Variants in PLEKHH2 observed in about 807,000 individuals in gnomAD.
PLEKHH2 encodes pleckstrin homology, MyTH4 and FERM domain containing H2, also known as pleckstrin homology domain-containing family H member 2.
In PLEKHH2, 129 loss-of-function variants were observed where a neutral mutation model predicts 187.9. The ratio of observed to expected loss-of-function variants is 0.69; its 90% CI spans 0.59 to 0.79. The LOEUF is 0.79. PLEKHH2 is among the 30% of genes least tolerant of loss of function. PLEKHH2 has a pLI of 0.00. For missense variants in PLEKHH2, 2,076 were observed against 1,751.2 expected (o/e 1.19, Z -3.31); for synonymous variants, 686 against 605.6 (o/e 1.13, Z -1.95).
At chr2:43,639,620 C>T (rs191707674) in intron 1 of PLEKHH2, among the ~76,000 whole-genome samples, 101 of 149,514 alleles carry the variant, frequency 6.8e-4, no homozygotes, top group African/African-American at 2.3e-3. Flanking sequence ...TTTTTATGGC[C>T]GAATAATATT....
chr2:43,738,610 G>C (rs1339540858), intron 20 of PLEKHH2, 90 bp downstream of exon 20: 1 of 1,286,802 alleles, frequency 7.8e-7, no homozygotes. Flanking sequence ...TAGACATTTG[G>C]AGAATACAAA....
chr2:43,750,394 C>G (rs1451778333), intron 24 of PLEKHH2, among the ~76,000 whole-genome samples: 1 of 152,028 alleles, frequency 6.6e-6, no homozygotes, highest in Non-Finnish European at 1.5e-5. Context: ...ATCGCATGAA[C>G]CCAGGAGGCA....
intron 24 of PLEKHH2, among the ~76,000 whole-genome samples, chr2:43,753,065 C>T (rs78795364): frequency 0.055 from 8,314 of 152,126 alleles, 312 homozygotes; most frequent in Non-Finnish European, 0.083. Flanking sequence ...TGTGCTGTGT[C>T]CAAGGTATTC....
chr2:43,657,363 C>T (rs958170737), intron 2 of PLEKHH2, among the ~76,000 whole-genome samples: 6 of 152,098 alleles, frequency 3.9e-5, no homozygotes, highest in African/African-American at 1.4e-4. Context: ...ATATCTGATG[C>T]CTCAGCTGGG....
intron 26 of PLEKHH2, 29 bp downstream of exon 26, chr2:43,757,293 G>A (rs778432970): frequency 6.8e-7 from 1 of 1,465,422 alleles, no homozygotes; most frequent in South Asian, 1.5e-5. Flanking sequence ...CTCTTTATAG[G>A]GTAGGGTCAT....
intron 3 of PLEKHH2, among the ~76,000 whole-genome samples, chr2:43,686,260 G>C (rs1668500469): frequency 6.6e-6 from 1 of 151,960 alleles, no homozygotes; most frequent in African/African-American, 2.4e-5. Flanking sequence ...GCAGTGGCAT[G>C]ATCCTGGCTC....
At chr2:43,735,951 T>C (rs1572640490) in intron 19 of PLEKHH2, among the ~76,000 whole-genome samples, 1 of 152,298 alleles carries the variant, frequency 6.6e-6, no homozygotes, top group South Asian at 2.1e-4. Flanking sequence ...AGCATCATGC[T>C]TTATGGAGAA....
At chr2:43,693,195 G>A (rs1436357098) in intron 4 of PLEKHH2, among the ~76,000 whole-genome samples, 1 of 152,114 alleles carries the variant, frequency 6.6e-6, no homozygotes, top group Non-Finnish European at 1.5e-5. Flanking sequence ...AACCTGCTGG[G>A]ATTACAGGCA....
chr2:43,722,664 A>G (rs1670539390), intron 16 of PLEKHH2, among the ~76,000 whole-genome samples: 1 of 152,260 alleles, frequency 6.6e-6, no homozygotes, highest in South Asian at 2.1e-4. Flanking sequence ...TTGGAAGGCC[A>G]AGTTTATAAA....
chr2:43,659,737 T>C (rs894154923), intron 2 of PLEKHH2, among the ~76,000 whole-genome samples: 2 of 152,058 alleles, frequency 1.3e-5, no homozygotes, highest in Non-Finnish European at 2.9e-5. Context: ...TTTTGTATTT[T>C]TAGTAGAGAC....
chr2:43,760,838 C>T (rs1302665609), intron 27 of PLEKHH2, among the ~76,000 whole-genome samples: 5 of 152,214 alleles, frequency 3.3e-5, no homozygotes, highest in Non-Finnish European at 7.3e-5. Context: ...TACTTTCTGT[C>T]TCTATGCATT....
intron 24 of PLEKHH2, among the ~76,000 whole-genome samples, chr2:43,753,400 C>T (rs1672082323): frequency 6.6e-6 from 1 of 152,128 alleles, no homozygotes. Context: ...TCAGCGCCAC[C>T]TCCAGCACTT....
Position 43,667,335 on chromosome 2 carries a change from G to A in PLEKHH2, c.124-11528G>A, listed in dbSNP as rs569070883. ...AAAATTGAAGGTCTCATACATTGCTGGTGGAAATGTAAAATTGTGCAGCCA... is the reference window on the plus strand; with the variant it reads ...AAAATTGAAGGTCTCATACATTGCTAGTGGAAATGTAAAATTGTGCAGCCA... On this transcript the variant is annotated intron_variant, in intron 2 of 29. Coordinates refer to ENST00000282406, the MANE Select transcript of PLEKHH2 (RefSeq NM_172069.4). 3.9e-5 allele frequency among the ~76,000 whole-genome samples: 6 copies of A among 152,262 alleles called. No homozygotes were observed. The East Asian group carries it at 1.2e-3, about 29-fold the overall frequency.
At chr2:43,703,570 A>T (rs10514787) in intron 8 of PLEKHH2, among the ~76,000 whole-genome samples, 1 of 152,012 alleles carries the variant, frequency 6.6e-6, no homozygotes, top group African/African-American at 2.4e-5. Flanking sequence ...TGTGTAATCA[A>T]TGATTGAGAA....
chr2:43,710,057 C>A lies in PLEKHH2; in HGVS notation c.2034C>A (p.Asp678Glu). 3 of 1,612,242 alleles carry A rather than the reference C, an allele frequency of 1.9e-6. No individual in the cohort carries two copies. The highest frequency in any genetic ancestry group is 2.5e-6 in the Non-Finnish European group (3 of 1,178,312). ...TTCCTCCTGATGCTTACTCCACAGA[C>A]ACGGAGTACTCACAGCCAGAGCAGA... Reference protein sequence around the residue: ...YAIPPDAYSTDTEYSQPEQKL... With the variant: ...YAIPPDAYSTETEYSQPEQKL... Residue 678 changes from aspartate to glutamate, a missense_variant, in exon 12 of 30, where the codon GAC becomes GAA. Transcript: ENST00000282406.
At chr2:43,646,457 C>T (rs968658845) in intron 2 of PLEKHH2, among the ~76,000 whole-genome samples, 2 of 152,146 alleles carry the variant, frequency 1.3e-5, no homozygotes, top group African/African-American at 2.4e-5. Context: ...CACAGGATCC[C>T]TCTCAAAATT....
chr2:43,645,393 T>G (rs1558406703), intron 2 of PLEKHH2, among the ~76,000 whole-genome samples: 3 of 152,176 alleles, frequency 2.0e-5, no homozygotes, highest in Admixed American at 1.3e-4. Context: ...GGGCTAATTA[T>G]GTGTTAGACA....
rs1433031953 is a variant in PLEKHH2 at position 43,710,035 on chromosome 2, C to G, written c.2012C>G (p.Pro671Arg). 6.2e-7 allele frequency: 1 copy of G among 1,612,928 alleles called. No individual in the cohort carries two copies. The highest frequency in any genetic ancestry group is 2.2e-5 in the East Asian group (1 of 44,886). Residue 671 changes from proline (P) to arginine (R), a missense_variant, in exon 12 of 30, where the codon CCT (proline) becomes CGT (arginine). Transcript: ENST00000282406. ...GCTTCTGAAAGTGATTATGCTATTCCTCCTGATGCTTACTCCACAGACACG... is the reference window on the plus strand; with the variant it reads ...GCTTCTGAAAGTGATTATGCTATTCGTCCTGATGCTTACTCCACAGACACG... ...SVASESDYAI[P>R]PDAYSTDTEY...
Position 43,699,916 on chromosome 2 carries a change from A to G in PLEKHH2, c.958A>G (p.Met320Val), listed in dbSNP as rs759063643. The change falls in exon 8 of 30, where the codon ATG becomes GTG. Residue 320 changes from methionine (M) to valine (V), a missense_variant. By Grantham distance (21) the Met-to-Val change is conservative (BLOSUM62 1). Coordinates refer to ENST00000282406, the MANE Select transcript of PLEKHH2 (RefSeq NM_172069.4). ...TSEEGVQCSRMGSEMYLTASD... is the reference protein window; with the variant it reads ...TSEEGVQCSRVGSEMYLTASD... ...TGAGGAAGGGGTCCAGTGTAGCAGGATGGGAAGTGAAATGTATCTGACAGC... is the reference window on the plus strand; with the variant it reads ...TGAGGAAGGGGTCCAGTGTAGCAGGGTGGGAAGTGAAATGTATCTGACAGC... 5 of 1,614,136 alleles carry G rather than the reference A, an allele frequency of 3.1e-6. No homozygotes were observed. In the East Asian group the frequency reaches 1.1e-4, roughly 36 times the overall value.
Sources: gnomAD v4.1 joint callset for allele counts (sites outside exome capture counted in the v4.1 genomes callset) on GRCh38, gnomAD v4.1.1 for gene constraint, MANE v1.5 for transcripts, NCBI Gene and HGNC (gene_info 2026-07-23, HGNC 2026-07-21) for gene names.